Variants in SLC2A14 observed in about 807,000 individuals in gnomAD.
SLC2A14 encodes solute carrier family 2 member 14.
In SLC2A14, 13 loss-of-function variants were observed where a neutral mutation model predicts 43.0. That is an observed-to-expected ratio of 0.30 (90% CI 0.20 to 0.48). The LOEUF (loss-of-function observed/expected upper bound fraction) is 0.48, where lower values mean the gene tolerates loss of function less well. SLC2A14 is among the 20% of genes least tolerant of loss of function. The pLI is 0.99. For missense variants in SLC2A14, 428 were observed against 620.4 expected (o/e 0.69, Z 3.29); for synonymous variants, 190 against 233.8 (o/e 0.81, Z 1.71).
chr12:7,813,369 G>A lies in SLC2A14; in HGVS notation c.*947C>T, dbSNP rs935454649. 3.3e-5 allele frequency: 5 copies of A among 152,016 alleles called. No homozygotes were observed. The highest frequency in any genetic ancestry group is 5.9e-5 in the Non-Finnish European group (4 of 68,028). The allele number at this position is 152,016 out of a possible 1,614,324, so 9.4% of individuals were successfully genotyped here. Reference sequence around the variant, plus strand: ...TGAGACTACTACAAGGAGTTATTTCGTCCAGTGAGGGGAACAGGCTTTCTA... The same window carrying A: ...TGAGACTACTACAAGGAGTTATTTCATCCAGTGAGGGGAACAGGCTTTCTA... On this transcript the variant is annotated 3_prime_UTR_variant, in exon 11 of 11. Coordinates refer to ENST00000431042, the MANE Select transcript of SLC2A14 (RefSeq NM_001286234.2).
At chr12:7,844,045 G>A (rs972244070) in intron 2 of SLC2A14, among the ~76,000 whole-genome samples, 7 of 152,006 alleles carry the variant, frequency 4.6e-5, no homozygotes, top group Non-Finnish European at 1.0e-4. Flanking sequence ...GTTTACAGTT[G>A]GGTGAATATT....
intron 2 of SLC2A14, among the ~76,000 whole-genome samples, chr12:7,860,143 GT>G (rs1944466756): frequency 6.6e-6 from 1 of 152,102 alleles, no homozygotes; most frequent in Non-Finnish European, 1.5e-5. Flanking sequence ...ATCCCTCCCA[GT>G]ACTGGCCCTG....
intron 4 of SLC2A14, 172 bp downstream of exon 4, chr12:7,831,432 T>G (rs950122593): frequency 2.5e-5 from 23 of 933,286 alleles, no homozygotes; most frequent in Non-Finnish European, 3.2e-5. Context: ...TCCAGGGTAG[T>G]AGAGCTCCAA....
At chr12:7,862,876 T>C (rs12812273) in intron 2 of SLC2A14, among the ~76,000 whole-genome samples, 34 of 152,018 alleles carry the variant, frequency 2.2e-4, no homozygotes, top group East Asian at 1.9e-3. Context: ...GATGGGCACG[T>C]GGAGAACATT....
intron 2 of SLC2A14, among the ~76,000 whole-genome samples, chr12:7,838,836 G>T (rs1865677524): frequency 6.6e-6 from 1 of 152,246 alleles, no homozygotes; most frequent in Non-Finnish European, 1.5e-5. Flanking sequence ...TGTATTTGGA[G>T]ATGGAGCCTT....
At chr12:7,843,054 A>G (rs76018230) in intron 2 of SLC2A14, among the ~76,000 whole-genome samples, 16,476 of 152,064 alleles carry the variant, frequency 0.11, 2,262 homozygotes, top group African/African-American at 0.31. Flanking sequence ...ATAGGCATGC[A>G]ATGTAAAATA....
rs564653596 is a variant in SLC2A14 at position 7,891,085 on chromosome 12, C to T, written c.43G>A (p.Val15Met). The T allele has an allele frequency of 1.0e-3, 1,595 of 1,534,944 alleles. 6 individuals are homozygous for T. The highest frequency in any genetic ancestry group is 1.4e-3 in the Non-Finnish European group (1,561 of 1,146,528). ...TGCCGCATTTCATCTCCTTGTTTCA[C>T]ACCCAGGAGTACTTCTACTCTCAAC... The change falls in exon 1 of 10, where the codon GTG (valine) becomes ATG (methionine). Residue 15 changes from valine (V) to methionine (M), a missense_variant. Physicochemically the swap from Val to Met is conservative, Grantham distance 21 (BLOSUM62 1). Transcript: ENST00000539924.
At chr12:7,877,426 T>C (rs751105899), upstream of SLC2A14, among the ~76,000 whole-genome samples, 29 of 152,010 alleles carry the variant, frequency 1.9e-4, no homozygotes, top group African/African-American at 7.0e-4. Flanking sequence ...GAGTACAAAA[T>C]TTTTTCTTTT....
At chr12:7,846,962 T>A (rs1027171293) in intron 2 of SLC2A14, among the ~76,000 whole-genome samples, 2 of 150,130 alleles carry the variant, frequency 1.3e-5, no homozygotes, top group Non-Finnish European at 1.5e-5. Flanking sequence ...AAAGAAAATA[T>A]ACCTGTGGCG....
chr12:7,871,738 G>T (rs1404019182), intron 1 of SLC2A14: 4 of 209,602 alleles, frequency 1.9e-5, no homozygotes, highest in East Asian at 1.8e-4. Flanking sequence ...CAGGAGGAAG[G>T]GACCCTTAGT....
At position 7,814,294 on chromosome 12, in the gene SLC2A14, G is replaced by A. The variant is rs1449438191; in HGVS notation, c.*22C>T. On this transcript the variant is annotated 3_prime_UTR_variant, in exon 11 of 11. Transcript: ENST00000431042. ...GAGAGGTGGCTTTCCCATGCCGGGA[G>A]GGAGGTGGAAGGAGGCATGACTTAG... The A allele has an allele frequency of 6.4e-7, 1 of 1,555,140 alleles. No homozygotes were observed. The highest frequency in any genetic ancestry group is 8.8e-7 in the Non-Finnish European group (1 of 1,139,998).
At chr12:7,831,011 C>A (rs969711333) in intron 4 of SLC2A14, among the ~76,000 whole-genome samples, 5 of 151,334 alleles carry the variant, frequency 3.3e-5, no homozygotes, top group Admixed American at 1.3e-4. Flanking sequence ...GTAATCCCAG[C>A]TACTTGGGAG....
chr12:7,814,238 T>C lies in SLC2A14; in HGVS notation c.*78A>G, dbSNP rs895757890. 5 of 1,460,380 alleles carry C rather than the reference T, an allele frequency of 3.4e-6. No individual in the cohort carries two copies. The highest frequency in any genetic ancestry group is 4.7e-6 in the Non-Finnish European group (5 of 1,066,068). 90.5% of individuals were successfully genotyped at this position (1,460,380 alleles called of 1,614,324 possible). A position where few individuals can be genotyped will look rare whatever the true frequency, so the allele number is the denominator to read the frequency against. On this transcript the variant is annotated 3_prime_UTR_variant, in exon 11 of 11. Coordinates refer to ENST00000431042, the MANE Select transcript of SLC2A14 (RefSeq NM_001286234.2). ...GCAGCATTCAGAAGCAGTCCTGGGT[T>C]CATCCTGATAAAGTCTCTCCCTTGT... is the stretch of plus-strand genomic sequence containing the variant.
intron 1 of SLC2A14, among the ~76,000 whole-genome samples, chr12:7,889,304 G>C (rs1288488267): frequency 1.2e-4 from 17 of 144,552 alleles, no homozygotes; most frequent in African/African-American, 4.4e-4. Flanking sequence ...TGTGATCTCA[G>C]CTCACTCCAA....
Position 7,817,909 on chromosome 12 carries a change from G to A in SLC2A14, c.1197C>T (p.Arg399=). 6.2e-7 allele frequency: 1 copy of A among 1,614,234 alleles called. No homozygotes were observed. Among genetic ancestry groups the A allele is most frequent in the Non-Finnish European group, 8.5e-7 (1 of 1,180,056 alleles). ...AGCCGGCCACTGCCATCGCAGCTGGGCGGGGGCCCTGGCTGAAGAGTTCGG... is the reference window on the plus strand; with the variant it reads ...AGCCGGCCACTGCCATCGCAGCTGGACGGGGGCCCTGGCTGAAGAGTTCGG... ...IVAELFSQGP[R]PAAMAVAGCS... The change falls in exon 10 of 11, where the codon CGC becomes CGT. Residue 399 remains arginine (R), a synonymous_variant. Coordinates refer to ENST00000431042, the MANE Select transcript of SLC2A14 (RefSeq NM_001286234.2).
chr12:7,828,916 C>G (rs1235973683), intron 5 of SLC2A14, 50 bp from the exon 6 acceptor site: 1 of 1,581,920 alleles, frequency 6.3e-7, no homozygotes, highest in Non-Finnish European at 8.6e-7. Context: ...TCACAGGCCA[C>G]AAGTTCATTG....
chr12:7,837,638 C>CAAAAAAAAAAAAGA (rs1865565976), intron 2 of SLC2A14, among the ~76,000 whole-genome samples: 1 of 52,884 alleles, frequency 1.9e-5, no homozygotes, highest in African/African-American at 8.8e-5. Flanking sequence ...AACTTCGTCT[C>CAAAAAAAAAAAAGA]AAAAAAAAAA....
chr12:7,826,975 CTT>C lies in SLC2A14; in HGVS notation c.864+518_864+519del, dbSNP rs1390214571. On this transcript the variant is annotated intron_variant, in intron 7 of 10. Transcript: ENST00000431042. ...CTTTCTTCTCTCTCTTTCTCTCTCTCTTTCTCTCCTTTCTCTCTTTCTCTCCT... is the reference window on the plus strand; with the variant it reads ...CTTTCTTCTCTCTCTTTCTCTCTCTCTCTCTCCTTTCTCTCTTTCTCTCCT... Among the ~76,000 whole-genome samples the C allele has an allele frequency of 8.8e-3, 120 of 13,596 alleles. 2 individuals carry two copies. The Middle Eastern group carries it at 0.13, about 15-fold the overall frequency. The allele number at this position is 13,596 out of a possible 152,430, so 8.9% of individuals were successfully genotyped here.
At chr12:7,873,179 G>T (rs1335759017), upstream of SLC2A14, 12 of 985,656 alleles carry the variant, frequency 1.2e-5, no homozygotes, top group Non-Finnish European at 1.4e-5. Flanking sequence ...TCTTTACGGG[G>T]AAACAGTTTT....
Sources: gnomAD v4.1 joint callset for allele counts (sites outside exome capture counted in the v4.1 genomes callset) on GRCh38, gnomAD v4.1.1 for gene constraint, MANE v1.5 for transcripts, NCBI Gene and HGNC (gene_info 2026-07-23, HGNC 2026-07-21) for gene names.